MTR: variants seen among roughly 807,000 people sequenced by gnomAD.
MTR encodes the protein methionine synthase.
MTR carries 84 observed loss-of-function variants against 154.8 expected under a neutral mutation model. The ratio of observed to expected loss-of-function variants is 0.54; its 90% confidence interval spans 0.45 to 0.65. The LOEUF (loss-of-function observed/expected upper bound fraction) is 0.65, where lower values mean the gene tolerates loss of function less well. Among genes scored for constraint, MTR ranks in the 30% least tolerant of loss-of-function variants. The probability of loss-of-function intolerance (pLI) is 0.00; values close to 1 mark genes in which losing one functional copy is unlikely to be tolerated. For missense variants in MTR, 1,275 were observed against 1,570.2 expected (o/e 0.81, Z 3.18); for synonymous variants, 554 against 553.9 (o/e 1.00, Z 0.00).
At chr1:236,877,899 G>A (rs142638768) in intron 24 of MTR, among the ~76,000 whole-genome samples, 2 of 152,258 alleles carry the variant, frequency 1.3e-5, no homozygotes, top group East Asian at 1.9e-4. Flanking sequence ...CCCTTGTCAT[G>A]GGTGTAGTAA....
intron 5 of MTR, chr1:236,811,691 G>T: frequency 2.2e-6 from 1 of 456,242 alleles, no homozygotes; most frequent in African/African-American, 2.0e-5. Flanking sequence ...GGCTGTACAA[G>T]GTGAAGTACG....
chr1:236,889,449 G>C, intron 28 of MTR, 113 bp downstream of exon 28: 1 of 1,433,818 alleles, frequency 7.0e-7, no homozygotes, highest in Non-Finnish European at 9.7e-7. Context: ...GATTACGGCT[G>C]CTTTCATATT....
chr1:236,862,211 A>G, intron 20 of MTR, 25 bp from the exon 21 acceptor site: 1 of 1,590,412 alleles, frequency 6.3e-7, no homozygotes, highest in Non-Finnish European at 8.6e-7. Context: ...TGGGAAAGAT[A>G]CCTGATCTAT....
intron 14 of MTR, among the ~76,000 whole-genome samples, chr1:236,837,408 G>A (rs1662970071): frequency 6.6e-6 from 1 of 152,052 alleles, no homozygotes; most frequent in Non-Finnish European, 1.5e-5. Flanking sequence ...TCATAGACTG[G>A]GTGCCCCTGA....
intron 29 of MTR, 60 bp downstream of exon 29, chr1:236,891,389 C>T (rs539488776): frequency 6.6e-7 from 1 of 1,505,208 alleles, no homozygotes; most frequent in African/African-American, 1.4e-5. Flanking sequence ...AAGCACTACA[C>T]AAAAGAGCTT....
intron 30 of MTR, chr1:236,895,050 C>G (rs1666546272): frequency 2.4e-6 from 1 of 425,216 alleles, no homozygotes; most frequent in Non-Finnish European, 4.4e-6. Flanking sequence ...GTCCCAGCTG[C>G]TCTTTCTGGC....
At chr1:236,797,282 A>C (rs981319338) in intron 1 of MTR, among the ~76,000 whole-genome samples, 14 of 152,218 alleles carry the variant, frequency 9.2e-5, no homozygotes, top group African/African-American at 3.1e-4. Context: ...GTACAATCTT[A>C]ATGAAATTTT....
chr1:236,834,071 A>G (rs1264149721), intron 13 of MTR, among the ~76,000 whole-genome samples: 2 of 152,192 alleles, frequency 1.3e-5, no homozygotes, highest in Non-Finnish European at 2.9e-5. Context: ...CTCCATCTAG[A>G]TATAAACCCT....
chr1:236,864,354 T>C (rs975463548), intron 22 of MTR, among the ~76,000 whole-genome samples: 3 of 152,176 alleles, frequency 2.0e-5, no homozygotes, highest in Non-Finnish European at 4.4e-5. Flanking sequence ...CAAGTAACAA[T>C]TACCTGCTAA....
chr1:236,902,955 T>A lies in MTR; in HGVS notation c.*5311T>A, dbSNP rs760390159. 22 of 152,162 alleles carry A rather than the reference T, an allele frequency of 1.4e-4. No homozygotes were observed. Among genetic ancestry groups the A allele is most frequent in the Non-Finnish European group, 2.9e-4 (20 of 68,022 alleles). The allele number at this position is 152,162 out of a possible 1,614,324, so 9.4% of individuals were successfully genotyped here. A position where few individuals can be genotyped will look rare whatever the true frequency, so the allele number is the denominator to read the frequency against. On this transcript the variant is annotated 3_prime_UTR_variant, in exon 33 of 33. Coordinates refer to ENST00000366577, the MANE Select transcript of MTR (RefSeq NM_000254.3). ...GATTCGGTGTGTGTATAAGGAAATA[T>A]ACACCAGTATATGCATTAAAACGTC...
Position 236,891,254 on chromosome 1 carries a change from C to T in MTR, c.3129C>T (p.Asp1043=), listed in dbSNP as rs954781163. The T allele has an allele frequency of 9.3e-6, 15 of 1,614,154 alleles. No homozygotes were observed. The highest frequency in any genetic ancestry group is 2.2e-5 in the East Asian group (1 of 44,876). ...GFWPAQSIQD[D]IHLYAEAAVP... ...GGCCAGCACAGAGTATCCAAGACGA[C>T]ATTCACCTGTACGCAGAGGCTGCTG... The change falls in exon 29 of 33, where the codon GAC becomes GAT. Residue 1043 remains aspartate (D), a synonymous_variant. Coordinates refer to ENST00000366577, the MANE Select transcript of MTR (RefSeq NM_000254.3).
intron 29 of MTR, among the ~76,000 whole-genome samples, chr1:236,892,071 AAG>A (rs1297315254): frequency 6.6e-6 from 1 of 152,226 alleles, no homozygotes; most frequent in Non-Finnish European, 1.5e-5. Flanking sequence ...TGCTGTAAAA[AAG>A]AGTGTCTTAA....
intron 14 of MTR, 117 bp downstream of exon 14, chr1:236,835,804 C>A (rs1173889080): frequency 7.4e-7 from 1 of 1,346,892 alleles, no homozygotes; most frequent in African/African-American, 1.4e-5. Flanking sequence ...TGTTTCTCAA[C>A]ATCGAAAACA....
intron 11 of MTR, 136 bp from the exon 12 acceptor site, chr1:236,829,053 G>A: frequency 1.5e-6 from 1 of 687,036 alleles, no homozygotes; most frequent in African/African-American, 1.8e-5. Flanking sequence ...CTGCACACTT[G>A]GAAGTAGGTA....
intron 22 of MTR, 148 bp from the exon 23 acceptor site, chr1:236,873,625 G>A (rs1033623509): frequency 2.5e-5 from 18 of 708,772 alleles, no homozygotes; most frequent in Non-Finnish European, 3.8e-5. Flanking sequence ...GGTAGTTGTG[G>A]TGGTAATCCT....
intron 4 of MTR, among the ~76,000 whole-genome samples, chr1:236,809,362 C>T (rs1354239946): frequency 6.6e-6 from 1 of 152,142 alleles, no homozygotes; most frequent in Non-Finnish European, 1.5e-5. Context: ...GCCATCAGAA[C>T]ACTTGGGCAC....
chr1:236,891,614 C>T (rs1488442749), intron 29 of MTR, among the ~76,000 whole-genome samples: 3 of 152,044 alleles, frequency 2.0e-5, no homozygotes, highest in African/African-American at 4.8e-5. Flanking sequence ...CAGGTGGTCA[C>T]GTGTCAGGAT....
intron 14 of MTR, among the ~76,000 whole-genome samples, chr1:236,836,779 G>T (rs1662932849): frequency 6.6e-6 from 1 of 152,166 alleles, no homozygotes; most frequent in Non-Finnish European, 1.5e-5. Flanking sequence ...GTACAAAGAA[G>T]CAAGACAACT....
intron 24 of MTR, among the ~76,000 whole-genome samples, chr1:236,878,122 A>C (rs1450771969): frequency 6.6e-6 from 1 of 152,112 alleles, no homozygotes; most frequent in African/African-American, 2.4e-5. Context: ...TTTTTTTTCA[A>C]TCTGGCTTGC....
Sources: allele counts gnomAD v4.1 joint callset (sites outside exome capture counted in the v4.1 genomes callset), GRCh38; gene constraint gnomAD v4.1.1; transcripts MANE v1.5; gene names NCBI Gene and HGNC (gene_info 2026-07-23, HGNC 2026-07-21).